Variants in CDH12 observed in about 807,000 individuals in gnomAD.
The protein encoded by CDH12 is cadherin-12.
In CDH12, 41 loss-of-function variants were observed where a neutral mutation model predicts 74.1. The ratio of observed to expected loss-of-function variants is 0.55; its 90% CI spans 0.43 to 0.72. The LOEUF is 0.72. CDH12 is among the 30% of genes least tolerant of loss of function. The probability of loss-of-function intolerance (pLI) is 0.00; values close to 1 mark genes in which losing one functional copy is unlikely to be tolerated. For synonymous variants in CDH12, 399 were observed against 355.0 expected (o/e 1.12, Z -1.39); for missense variants, 945 against 977.2 (o/e 0.97, Z 0.44).
At chr5:22,471,349 T>G (rs548521222) in intron 2 of CDH12, among the ~76,000 whole-genome samples, 1 of 152,190 alleles carries the variant, frequency 6.6e-6, no homozygotes, top group East Asian at 1.9e-4. Flanking sequence ...TACCTCACTG[T>G]CCCTTCTGCA....
At chr5:22,545,783 T>G (rs1005877450) in intron 1 of CDH12, among the ~76,000 whole-genome samples, 1 of 152,216 alleles carries the variant, frequency 6.6e-6, no homozygotes, top group Non-Finnish European at 1.5e-5. Flanking sequence ...ACCTTTGAAT[T>G]AATGTATAAC....
chr5:22,058,034 TATCTATCTATCATCTATCTTTTA>T (rs1337821506), intron 5 of CDH12, among the ~76,000 whole-genome samples: 1 of 151,678 alleles, frequency 6.6e-6, no homozygotes, highest in Non-Finnish European at 1.5e-5. Flanking sequence ...TCTATCTATC[TATCTATCTATCATCTATCTTTTA>T]TTTATTTATT....
intron 4 of CDH12, among the ~76,000 whole-genome samples, chr5:22,145,852 T>G (rs1043526966): frequency 3.9e-5 from 6 of 152,074 alleles, no homozygotes; most frequent in Admixed American, 6.6e-5. Flanking sequence ...GGTCTAAGTA[T>G]TGAGATGAGA....
chr5:22,350,662 A>T (rs1740321875), intron 3 of CDH12, among the ~76,000 whole-genome samples: 1 of 152,194 alleles, frequency 6.6e-6, no homozygotes, highest in African/African-American at 2.4e-5. Context: ...TGCATGGTAG[A>T]TATTATCCTA....
At chr5:22,084,814 A>G (rs1360925277) in intron 4 of CDH12, among the ~76,000 whole-genome samples, 2 of 152,170 alleles carry the variant, frequency 1.3e-5, no homozygotes, top group Non-Finnish European at 2.9e-5. Flanking sequence ...CTTAAGTGAA[A>G]GGCAAACAAC....
At chr5:22,008,776 C>G (rs930337634) in intron 5 of CDH12, among the ~76,000 whole-genome samples, 1 of 152,104 alleles carries the variant, frequency 6.6e-6, no homozygotes, top group African/African-American at 2.4e-5. Flanking sequence ...TGGGATTGCT[C>G]CTGACCTGCG....
intron 1 of CDH12, among the ~76,000 whole-genome samples, chr5:22,831,629 G>T (rs114997416): frequency 0.01 from 1,528 of 152,106 alleles, 9 homozygotes; most frequent in Middle Eastern, 0.017. Context: ...GGGTACGGTG[G>T]GTCACACCTG....
At chr5:22,566,781 T>C (rs1032981082) in intron 1 of CDH12, among the ~76,000 whole-genome samples, 13 of 152,146 alleles carry the variant, frequency 8.5e-5, no homozygotes, top group Non-Finnish European at 2.9e-5. Flanking sequence ...AGGAAAACAA[T>C]AATAACATTA....
intron 3 of CDH12, among the ~76,000 whole-genome samples, chr5:22,384,543 A>AAG (rs1554036627): frequency 4.0e-5 from 6 of 149,794 alleles, no homozygotes; most frequent in East Asian, 3.9e-4. Flanking sequence ...AAAAAAAAGA[A>AAG]AAAGAAAAAG....
chr5:22,743,260 TTATATATATATATATATATATGTA>T (rs1487391107), intron 1 of CDH12, among the ~76,000 whole-genome samples: 137 of 90,432 alleles, frequency 1.5e-3, no homozygotes, highest in African/African-American at 4.6e-3. Context: ...AGCATGGAGA[TTATATATATATATATATATATGTA>T]TATATATGTA....
At chr5:22,468,129 G>C (rs1389951040) in intron 2 of CDH12, among the ~76,000 whole-genome samples, 3 of 152,188 alleles carry the variant, frequency 2.0e-5, no homozygotes, top group African/African-American at 4.8e-5. Context: ...ATCTCCCAGG[G>C]AGAAGAGTCT....
At chr5:22,567,578 C>A (rs1739347724) in intron 1 of CDH12, among the ~76,000 whole-genome samples, 1 of 152,160 alleles carries the variant, frequency 6.6e-6, no homozygotes, top group South Asian at 2.1e-4. Context: ...CAAAATGGTG[C>A]TTTGTGGAAA....
chr5:22,677,563 T>C (rs1361571580), intron 1 of CDH12, among the ~76,000 whole-genome samples: 1 of 151,934 alleles, frequency 6.6e-6, no homozygotes, highest in Non-Finnish European at 1.5e-5. Context: ...ATTATCACAA[T>C]GGGGATTGAA....
chr5:22,487,884 T>C (rs751731450), intron 2 of CDH12, among the ~76,000 whole-genome samples: 11 of 152,236 alleles, frequency 7.2e-5, no homozygotes, highest in African/African-American at 1.9e-4. Context: ...AATTTAACTT[T>C]TAACAACATT....
chr5:21,843,362 C>A (rs886428077), intron 7 of CDH12, among the ~76,000 whole-genome samples: 2 of 152,114 alleles, frequency 1.3e-5, no homozygotes, highest in African/African-American at 4.8e-5. Context: ...CAACATACAT[C>A]CTTGTTTTAT....
At chr5:22,798,289 G>T (rs1461894356) in intron 1 of CDH12, among the ~76,000 whole-genome samples, 2 of 152,158 alleles carry the variant, frequency 1.3e-5, no homozygotes, top group Non-Finnish European at 2.9e-5. Flanking sequence ...TTGATAAAAT[G>T]TCATTGGTAA....
chr5:22,019,654 G>T (rs893557352), intron 5 of CDH12, among the ~76,000 whole-genome samples: 2 of 152,184 alleles, frequency 1.3e-5, no homozygotes, highest in African/African-American at 4.8e-5. Context: ...ATGGCACCTG[G>T]ATCTTGGACT....
chr5:22,508,283 C>T (rs911942953), intron 1 of CDH12, among the ~76,000 whole-genome samples: 4 of 152,280 alleles, frequency 2.6e-5, no homozygotes, highest in African/African-American at 9.6e-5. Context: ...CCCCTACAAA[C>T]CATCAATTCT....
rs10473571 is a variant in CDH12 at position 22,070,634 on chromosome 5, T to A, written c.231+7812A>T. On this transcript the variant is annotated intron_variant, in intron 5 of 14. Coordinates refer to ENST00000382254, the MANE Select transcript of CDH12 (RefSeq NM_004061.5). ...CAGGTCATCCGATTAGAGGCCCCAC[T>A]GCAGATTTTGAACTTGTACCTACAC... Among the ~76,000 whole-genome samples the A allele has an allele frequency of 5.8e-3, 889 of 152,264 alleles. 7 individuals are homozygous for A. Among genetic ancestry groups the A allele is most frequent in the African/African-American group, 0.018 (755 of 41,558 alleles).
Sources: gnomAD v4.1 joint callset for allele counts (sites outside exome capture counted in the v4.1 genomes callset) on GRCh38, gnomAD v4.1.1 for gene constraint, MANE v1.5 for transcripts, NCBI Gene and HGNC (gene_info 2026-07-23, HGNC 2026-07-21) for gene names.